NEO1: variants seen among roughly 807,000 people sequenced by gnomAD.
The protein encoded by NEO1 is neogenin 1.
Under a neutral mutation model 159.7 loss-of-function variants are expected in NEO1, and 63 were observed. The observed-to-expected ratio is 0.39, with a 90% CI of 0.32 to 0.49. The LOEUF (loss-of-function observed/expected upper bound fraction) is 0.49. NEO1 is among the 20% of genes least tolerant of loss of function. The probability of loss-of-function intolerance (pLI) is 0.85; values close to 1 mark genes in which losing one functional copy is unlikely to be tolerated. For synonymous variants in NEO1, 633 were observed against 662.0 expected (o/e 0.96, Z 0.67); for missense variants, 1,615 against 1,831.0 (o/e 0.88, Z 2.15).
At chr15:73,215,969 A>C (rs1351555497) in intron 7 of NEO1, among the ~76,000 whole-genome samples, 2 of 151,920 alleles carry the variant, frequency 1.3e-5, no homozygotes, top group Admixed American at 1.3e-4. Flanking sequence ...TTTAGGGTAC[A>C]TGTGTACAAT....
At chr15:73,134,178 C>G (rs1182948920) in intron 4 of NEO1, among the ~76,000 whole-genome samples, 2 of 152,160 alleles carry the variant, frequency 1.3e-5, no homozygotes, top group Non-Finnish European at 2.9e-5. Flanking sequence ...CGTCTTATCT[C>G]TCCATTTATT....
chr15:73,228,851 A>G (rs1226700971), intron 7 of NEO1, among the ~76,000 whole-genome samples: 1 of 152,072 alleles, frequency 6.6e-6, no homozygotes, highest in Non-Finnish European at 1.5e-5. Flanking sequence ...CCACATTGAA[A>G]TTTCTTGACA....
intron 5 of NEO1, among the ~76,000 whole-genome samples, chr15:73,168,663 A>T (rs1596236934): frequency 6.6e-6 from 1 of 152,284 alleles, no homozygotes; most frequent in Non-Finnish European, 1.5e-5. Context: ...TCAAACTTAC[A>T]TCATAAGTTA....
At chr15:73,151,458 G>T (rs192605651) in intron 5 of NEO1, among the ~76,000 whole-genome samples, 218 of 152,208 alleles carry the variant, frequency 1.4e-3, no homozygotes, top group Non-Finnish European at 2.4e-3. Flanking sequence ...TTATTTGTGA[G>T]TTTGTTCTCA....
intron 8 of NEO1, among the ~76,000 whole-genome samples, chr15:73,239,506 A>G (rs2039383633): frequency 6.6e-6 from 1 of 152,230 alleles, no homozygotes; most frequent in South Asian, 2.1e-4. Flanking sequence ...CGCTTCAGTC[A>G]GACAGACTGC....
At chr15:73,290,485 G>T (rs1245143828) in intron 25 of NEO1, among the ~76,000 whole-genome samples, 1 of 150,278 alleles carries the variant, frequency 6.7e-6, no homozygotes, top group African/African-American at 2.5e-5. Context: ...CACCCAACTC[G>T]GCCTCCCAAA....
At chr15:73,068,032 A>G (rs953308397) in intron 1 of NEO1, among the ~76,000 whole-genome samples, 10 of 152,082 alleles carry the variant, frequency 6.6e-5, no homozygotes, top group Non-Finnish European at 1.0e-4. Context: ...ACATTCCTAG[A>G]TTATTGGTTT....
At chr15:73,227,947 A>G (rs769625143) in intron 7 of NEO1, among the ~76,000 whole-genome samples, 9 of 152,232 alleles carry the variant, frequency 5.9e-5, no homozygotes, top group Non-Finnish European at 4.4e-5. Context: ...TGGTACAGTT[A>G]CAATGGGTGA....
chr15:73,218,715 G>A (rs1235959449), intron 7 of NEO1, among the ~76,000 whole-genome samples: 1 of 152,230 alleles, frequency 6.6e-6, no homozygotes, highest in Non-Finnish European at 1.5e-5. Context: ...TATTTGCATA[G>A]AGGTGATTGT....
At chr15:73,241,047 C>T (rs548144810) in intron 8 of NEO1, among the ~76,000 whole-genome samples, 1 of 152,178 alleles carries the variant, frequency 6.6e-6, no homozygotes, top group African/African-American at 2.4e-5. Context: ...TCACCCACTT[C>T]CTGCATTTGA....
intron 5 of NEO1, among the ~76,000 whole-genome samples, chr15:73,147,520 G>A (rs1486956703): frequency 6.6e-6 from 1 of 152,036 alleles, no homozygotes; most frequent in Non-Finnish European, 1.5e-5. Flanking sequence ...CTGGGCTCCT[G>A]CCTATCTAGG....
At chr15:73,203,106 A>G (rs932632884) in intron 7 of NEO1, among the ~76,000 whole-genome samples, 6 of 152,166 alleles carry the variant, frequency 3.9e-5, no homozygotes, top group Admixed American at 2.6e-4. Context: ...CCTGCTTTCA[A>G]TTCTCTAGTG....
chr15:73,096,622 C>T (rs2070050663), intron 1 of NEO1, among the ~76,000 whole-genome samples: 1 of 152,162 alleles, frequency 6.6e-6, no homozygotes, highest in African/African-American at 2.4e-5. Flanking sequence ...AAAATTTTAG[C>T]AGAAAATTGC....
rs1596381998 is a variant in NEO1 at position 73,221,312 on chromosome 15, C to T, written c.1292-15035C>T. ...GTTTTGTCTCAGAGGAGTACCCGGC[C>T]GTGTGAAGTGTCAGTCTGCCCCTAC... On this transcript the variant is annotated intron_variant, in intron 7 of 28. Coordinates refer to ENST00000261908, the MANE Select transcript of NEO1 (RefSeq NM_002499.4). Among the ~76,000 whole-genome samples, 4 of 152,142 alleles carry T rather than the reference C, an allele frequency of 2.6e-5. No homozygotes were observed. The South Asian group carries it at 6.2e-4, about 24-fold the overall frequency.
intron 22 of NEO1, among the ~76,000 whole-genome samples, 178 bp downstream of exon 22, chr15:73,278,377 A>G (rs1189068691): frequency 1.3e-5 from 2 of 151,880 alleles, no homozygotes; most frequent in African/African-American, 4.9e-5. Flanking sequence ...CGTAGGACCC[A>G]TAAATCAAAT....
At chr15:73,140,769 C>T (rs2032307325) in intron 5 of NEO1, among the ~76,000 whole-genome samples, 1 of 152,154 alleles carries the variant, frequency 6.6e-6, no homozygotes, top group African/African-American at 2.4e-5. Context: ...TGAATATTGA[C>T]AGATCACTGC....
intron 5 of NEO1, among the ~76,000 whole-genome samples, chr15:73,154,240 A>G (rs1002435175): frequency 6.6e-6 from 1 of 152,186 alleles, no homozygotes; most frequent in East Asian, 1.9e-4. Context: ...TAGTTGGTGT[A>G]TATATTTATC....
intron 1 of NEO1, among the ~76,000 whole-genome samples, chr15:73,076,143 G>A (rs1415131641): frequency 6.6e-6 from 1 of 152,066 alleles, no homozygotes; most frequent in South Asian, 2.1e-4. Context: ...ATTAAGGTGC[G>A]GCTCAGATCT....
chr15:73,179,734 T>G (rs371573069), intron 7 of NEO1, among the ~76,000 whole-genome samples: 12 of 152,196 alleles, frequency 7.9e-5, no homozygotes, highest in East Asian at 7.7e-4. Context: ...GGTACACACT[T>G]CAAATCCTAC....
Sources: allele counts gnomAD v4.1 joint callset (sites outside exome capture counted in the v4.1 genomes callset), GRCh38; gene constraint gnomAD v4.1.1; transcripts MANE v1.5; gene names NCBI Gene and HGNC (gene_info 2026-07-23, HGNC 2026-07-21).